CADM2: variants seen among roughly 807,000 people sequenced by gnomAD.
The protein encoded by CADM2 is immunoglobulin superfamily member 4D.
Under a neutral mutation model 49.8 loss-of-function variants are expected in CADM2, and 12 were observed. The ratio of observed to expected loss-of-function variants is 0.24; its 90% confidence interval spans 0.15 to 0.39. The LOEUF is 0.39. CADM2 is among the 10% of genes least tolerant of loss of function. The pLI is 1.00. For synonymous variants in CADM2, 214 were observed against 175.4 expected, an observed-to-expected ratio of 1.22 and a Z score of -1.74; for missense variants, 378 against 492.3, an observed-to-expected ratio of 0.77 and a Z score of 2.20.
chr3:85,818,718 C>G (rs1466962531), intron 3 of CADM2, among the ~76,000 whole-genome samples: 1 of 151,922 alleles, frequency 6.6e-6, no homozygotes, highest in African/African-American at 2.4e-5. Context: ...AAAAGGAAAT[C>G]AGTATCTGAA....
At chr3:86,037,482 G>A (rs1735311267) in intron 8 of CADM2, among the ~76,000 whole-genome samples, 1 of 152,074 alleles carries the variant, frequency 6.6e-6, no homozygotes, top group Non-Finnish European at 1.5e-5. Context: ...AAGGAGAATG[G>A]AAGTAGAATT....
At chr3:86,017,738 A>G (rs1278923106) in intron 8 of CADM2, among the ~76,000 whole-genome samples, 1 of 151,334 alleles carries the variant, frequency 6.6e-6, no homozygotes, top group Non-Finnish European at 1.5e-5. Flanking sequence ...CAAAAAAAAA[A>G]AAAGAAAGAA....
chr3:85,918,846 T>G (rs1207424971), intron 6 of CADM2, among the ~76,000 whole-genome samples: 1 of 152,074 alleles, frequency 6.6e-6, no homozygotes, highest in Non-Finnish European at 1.5e-5. Context: ...AAATAACTTT[T>G]TATTTGTGAG....
chr3:84,990,532 A>G (rs1346749683), intron 1 of CADM2, among the ~76,000 whole-genome samples: 1 of 151,974 alleles, frequency 6.6e-6, no homozygotes, highest in Admixed American at 6.6e-5. Context: ...TTATCTGAAA[A>G]TTATGGTTTC....
chr3:85,959,704 C>T (rs542078239), intron 7 of CADM2, among the ~76,000 whole-genome samples: 2 of 151,944 alleles, frequency 1.3e-5, no homozygotes, highest in Non-Finnish European at 2.9e-5. Flanking sequence ...ATACATTTTC[C>T]ATGTCTATAC....
intron 2 of CADM2, among the ~76,000 whole-genome samples, chr3:85,753,561 A>G (rs2068963702): frequency 6.6e-6 from 1 of 152,194 alleles, no homozygotes; most frequent in South Asian, 2.1e-4. Context: ...ACCTGTTGGC[A>G]TCACATAAGA....
chr3:85,784,888 A>G (rs1391656113), intron 2 of CADM2, among the ~76,000 whole-genome samples: 2 of 152,150 alleles, frequency 1.3e-5, no homozygotes, highest in African/African-American at 4.8e-5. Context: ...TATTTGTAGA[A>G]TTTGACAGTG....
chr3:85,504,563 C>T (rs868786379), intron 1 of CADM2, among the ~76,000 whole-genome samples: 2 of 152,322 alleles, frequency 1.3e-5, no homozygotes, highest in Middle Eastern at 6.8e-3. Flanking sequence ...CTGAGTTAGA[C>T]ACCAAGCTTC....
chr3:85,117,801 A>T (rs761449775), intron 1 of CADM2, among the ~76,000 whole-genome samples: 13 of 152,104 alleles, frequency 8.5e-5, no homozygotes, highest in Non-Finnish European at 1.8e-4. Context: ...TGTCTATTTC[A>T]CTGGTTATTT....
chr3:85,326,928 T>C (rs1206335470), intron 1 of CADM2, among the ~76,000 whole-genome samples: 1 of 151,900 alleles, frequency 6.6e-6, no homozygotes. Flanking sequence ...TAAAAGTTTT[T>C]CAGAGAAAGA....
intron 1 of CADM2, among the ~76,000 whole-genome samples, chr3:85,502,073 T>G (rs574216079): frequency 6.6e-6 from 1 of 152,232 alleles, no homozygotes; most frequent in African/African-American, 2.4e-5. Flanking sequence ...TAGGATTCAA[T>G]AAAGTACACA....
intron 2 of CADM2, among the ~76,000 whole-genome samples, chr3:85,776,604 C>T (rs908968355): frequency 2.0e-5 from 3 of 151,968 alleles, no homozygotes; most frequent in Non-Finnish European, 2.9e-5. Context: ...AGATGTATTA[C>T]TTATCTTTAT....
In CADM2 at chr3:86,006,869, CATCTCTACTTAAAAT is replaced by C. The variant is rs887417657; in HGVS notation, c.970+45224_970+45238del. On this transcript the variant is annotated intron_variant, in intron 8 of 9. Coordinates refer to ENST00000383699, the MANE Select transcript of CADM2 (RefSeq NM_001167675.2). Reference sequence around the variant, plus strand: ...AAGCCTGGCCAACATGGTGAAACCCCATCTCTACTTAAAATACAAAAATTAGCTAGGCATGGTGAC... The same window carrying C: ...AAGCCTGGCCAACATGGTGAAACCCCACAAAAATTAGCTAGGCATGGTGAC... Among the ~76,000 whole-genome samples, 43 of 151,882 alleles carry C rather than the reference CATCTCTACTTAAAAT, an allele frequency of 2.8e-4. 1 individual carries two copies. In the Middle Eastern group the frequency reaches 0.014, roughly 48 times the overall value.
intron 2 of CADM2, among the ~76,000 whole-genome samples, chr3:85,781,334 T>A (rs763831644): frequency 3.9e-5 from 6 of 152,188 alleles, no homozygotes; most frequent in Non-Finnish European, 8.8e-5. Context: ...TAGCATATAT[T>A]TGTCATTATC....
rs1430170453 is a variant in CADM2, at chr3:85,317,125, G to T, written c.61+357457G>T. ...ATTTCTGGAATTCTCAGTGGTGTTT[G>T]CTTTTTTTGGGGGGATGGGGGGTGG... On this transcript the variant is annotated intron_variant, in intron 1 of 9. Coordinates refer to ENST00000383699, the MANE Select transcript of CADM2 (RefSeq NM_001167675.2). Among the ~76,000 whole-genome samples the T allele has an allele frequency of 2.0e-5, 3 of 150,960 alleles. No homozygotes were observed. In the South Asian group the frequency reaches 6.3e-4, roughly 32 times the overall value.
chr3:84,989,588 T>G (rs980434511), intron 1 of CADM2, among the ~76,000 whole-genome samples: 5 of 152,104 alleles, frequency 3.3e-5, no homozygotes, highest in African/African-American at 1.2e-4. Context: ...AGCTAATGCA[T>G]AGTATAAAAA....
At chr3:85,994,193 G>A (rs1729097549) in intron 8 of CADM2, 1 of 152,230 alleles carries the variant, frequency 6.6e-6, no homozygotes, top group African/African-American at 2.4e-5. Context: ...ACATGCTATA[G>A]CTTCTCCATC....
chr3:85,132,853 T>A (rs748119994), intron 1 of CADM2, among the ~76,000 whole-genome samples: 198 of 152,192 alleles, frequency 1.3e-3, no homozygotes, highest in Non-Finnish European at 1.7e-3. Context: ...CCGGAATTGG[T>A]GGGTTCTTGG....
chr3:85,218,136 G>C (rs2041971118), intron 1 of CADM2, among the ~76,000 whole-genome samples: 1 of 152,002 alleles, frequency 6.6e-6, no homozygotes, highest in African/African-American at 2.4e-5. Flanking sequence ...ACTAGATTGT[G>C]TAAAATACAG....
Sources: allele counts gnomAD v4.1 joint callset (sites outside exome capture counted in the v4.1 genomes callset), GRCh38; gene constraint gnomAD v4.1.1; transcripts MANE v1.5; gene names NCBI Gene and HGNC (gene_info 2026-07-23, HGNC 2026-07-21).